Variants in TET3 observed in about 807,000 individuals in gnomAD.
The protein encoded by TET3 is methylcytosine dioxygenase TET3.
A neutral mutation model predicts 141.4 loss-of-function variants in TET3; 19 were observed. The ratio of observed to expected loss-of-function variants is 0.13; its 90% CI spans 0.09 to 0.20. TET3 has a LOEUF of 0.20. Ranked by LOEUF, TET3 falls within the 10% of genes least tolerant of loss-of-function variation. The pLI, the probability that TET3 is intolerant of heterozygous loss-of-function variation, is 1.00. For missense variants in TET3, 1,874 were observed against 2,356.9 expected, an observed-to-expected ratio of 0.80 and a Z score of 4.24; for synonymous variants, 1,043 against 980.9, an observed-to-expected ratio of 1.06 and a Z score of -1.18.
At position 74,093,834 on chromosome 2, in the gene TET3, GA is replaced by G. The variant is rs761358726; in HGVS notation, c.3267+172del. On this transcript the variant is annotated intron_variant, in intron 10 of 11. Coordinates refer to ENST00000409262, the MANE Select transcript of TET3 (RefSeq NM_001287491.2). This position sits in a 1 kb window ranked among gnomAD's most constrained non-coding sequence, Gnocchi z 4.2. ...GGCCTGCCTTCGCCCACCTCCCAGA[GA>G]AAACCTCACCAGAAAACCCTTGAAC... 4.6e-5 allele frequency among the ~76,000 whole-genome samples: 7 copies of G among 152,170 alleles called. No homozygotes were observed. Among genetic ancestry groups the G allele is most frequent in the Non-Finnish European group, 1.0e-4 (7 of 68,020 alleles).
intron 10 of TET3, among the ~76,000 whole-genome samples, chr2:74,098,228 G>A (rs557583672): frequency 6.6e-6 from 1 of 151,934 alleles, no homozygotes; most frequent in African/African-American, 2.4e-5. Flanking sequence ...TAGCTAAAAG[G>A]GTATTTCAAA....
At chr2:74,059,577 C>T (rs937693553) in intron 4 of TET3, among the ~76,000 whole-genome samples, 1 of 152,112 alleles carries the variant, frequency 6.6e-6, no homozygotes, top group Admixed American at 6.5e-5. Context: ...TTTAGAGAGA[C>T]AGGATATCAC....
chr2:74,082,274 G>A (rs13014576), intron 6 of TET3, among the ~76,000 whole-genome samples: 45,506 of 152,042 alleles, frequency 0.3, 7,313 homozygotes, highest in African/African-American at 0.38. Context: ...CCCCACTGAG[G>A]GCTGGGAAGA....
At chr2:74,082,060 T>G (rs931016679) in intron 6 of TET3, among the ~76,000 whole-genome samples, 4 of 151,568 alleles carry the variant, frequency 2.6e-5, no homozygotes, top group African/African-American at 7.3e-5. Context: ...TTTCTCCTGC[T>G]AATTCATGCA....
At chr2:74,080,701 G>GGGGGC (rs1553432192) in intron 6 of TET3, 110 bp downstream of exon 6, 1 of 391,366 alleles carries the variant, frequency 2.6e-6, no homozygotes, top group African/African-American at 2.2e-5. Flanking sequence ...GGCGAGGGCG[G>GGGGGC]GGGGTGGGGC....
At chr2:74,114,853 C>CAAAAAAAAAATAAAAA in the TET3 span, among the ~76,000 whole-genome samples, 1 of 43,882 alleles carries the variant, frequency 2.3e-5, no homozygotes, top group Non-Finnish European at 3.8e-5. Context: ...GACTCTGTCT[C>CAAAAAAAAAATAAAAA]AAAAAAAAAA....
Position 74,102,380 on chromosome 2 carries a change from A to G in TET3, c.*204A>G. Reference sequence around the variant, plus strand: ...CCTCCCTTACCCCCACTTCCCCAGCACTTTGAAGAAGAAACTACGGCTGTC... The same window carrying G: ...CCTCCCTTACCCCCACTTCCCCAGCGCTTTGAAGAAGAAACTACGGCTGTC... On this transcript the variant is annotated 3_prime_UTR_variant, in exon 12 of 12. Coordinates refer to ENST00000409262, the MANE Select transcript of TET3 (RefSeq NM_001287491.2). 1 of 709,858 alleles carries G rather than the reference A, an allele frequency of 1.4e-6. No individual in the cohort carries two copies. The highest frequency in any genetic ancestry group is 1.9e-6 in the Non-Finnish European group (1 of 517,708). 44.0% of individuals were successfully genotyped at this position (709,858 alleles called of 1,614,324 possible).
intron 2 of TET3, among the ~76,000 whole-genome samples, chr2:73,995,240 G>A (rs1033802433): frequency 2.2e-4 from 34 of 152,210 alleles, no homozygotes; most frequent in Non-Finnish European, 1.9e-4. Context: ...GATTATAGGC[G>A]TGAGCCACTG....
rs1684023685 is a variant in TET3 at position 73,986,311 on chromosome 2, C to A, written c.-93C>A. On this transcript the variant is annotated 5_prime_UTR_variant, in exon 2 of 12. Coordinates refer to ENST00000409262, the MANE Select transcript of TET3 (RefSeq NM_001287491.2). ...TCACCCTTGTAGACTCTTGACTGTT[C>A]TAGGCGAGAAGGACCTGTTGGTGGC... 1 of 1,143,638 alleles carries A rather than the reference C, an allele frequency of 8.7e-7. No individual in the cohort carries two copies. The highest frequency in any genetic ancestry group is 1.1e-6 in the Non-Finnish European group (1 of 908,032). The allele number at this position is 1,143,638 out of a possible 1,614,324, so 70.8% of individuals were successfully genotyped here.
At chr2:74,130,119 T>G in the TET3 span, among the ~76,000 whole-genome samples, 14 of 150,278 alleles carry the variant, frequency 9.3e-5, 1 homozygote, top group South Asian at 3.0e-3. Context: ...AAAAGTTGGC[T>G]TTAGTATAGA....
chr2:74,013,970 C>T (rs1685600851), intron 3 of TET3, among the ~76,000 whole-genome samples: 1 of 152,160 alleles, frequency 6.6e-6, no homozygotes, highest in Admixed American at 6.5e-5. Context: ...AATATGTCTA[C>T]AGCTACTGCT....
chr2:74,038,668 C>A (rs1037837826), intron 3 of TET3, among the ~76,000 whole-genome samples: 5 of 152,162 alleles, frequency 3.3e-5, no homozygotes, highest in African/African-American at 9.7e-5. Context: ...GGTGATGAGG[C>A]TTGCACCAGC....
intron 3 of TET3, among the ~76,000 whole-genome samples, chr2:74,040,241 G>A (rs994998809): frequency 6.6e-6 from 1 of 151,984 alleles, no homozygotes; most frequent in Non-Finnish European, 1.5e-5. Context: ...TGGTGTGTGT[G>A]CATGCACACA....
chr2:74,054,256 G>C (rs747547870), intron 4 of TET3, among the ~76,000 whole-genome samples: 2 of 152,090 alleles, frequency 1.3e-5, no homozygotes, highest in African/African-American at 2.4e-5. Context: ...AAGAAATAAT[G>C]GGCCTCTGAA....
In TET3 at chr2:73,997,500, G is replaced by T. The variant is rs115625060; in HGVS notation, c.304-5610G>T. Among the ~76,000 whole-genome samples, 263 of 152,290 alleles carry T rather than the reference G, an allele frequency of 1.7e-3. 1 individual carries two copies. Among genetic ancestry groups the T allele is most frequent in the African/African-American group, 6.2e-3 (258 of 41,554 alleles). ...ATGCTGCAGGATGGGGTGAGGTGCA[G>T]TGAGGGGAGAGGGGGTTGTGAGGGC... is the stretch of plus-strand genomic sequence containing the variant. On this transcript the variant is annotated intron_variant, in intron 2 of 11. Coordinates refer to ENST00000409262, the MANE Select transcript of TET3 (RefSeq NM_001287491.2).
rs1691314560 is a variant in TET3, at chr2:74,102,980, T to C, written c.*804T>C. 1 of 152,210 alleles carries C rather than the reference T, an allele frequency of 6.6e-6. No homozygotes were observed. Among genetic ancestry groups the C allele is most frequent in the Admixed American group, 6.5e-5 (1 of 15,276 alleles). The allele number at this position is 152,210 out of a possible 1,614,324, so 9.4% of individuals were successfully genotyped here. ...GGTTGGAAGTAGATGGCTTCAAGCT[T>C]GCTAGTCTCCACACTGAATCCTCTG... On this transcript the variant is annotated 3_prime_UTR_variant, in exon 12 of 12. Transcript: ENST00000409262.
In TET3 at chr2:74,087,016, T is replaced by G. The variant is rs905966400; in HGVS notation, c.2680-814T>G. Among the ~76,000 whole-genome samples, 2 of 152,124 alleles carry G rather than the reference T, an allele frequency of 1.3e-5. No individual in the cohort carries two copies. The highest frequency in any genetic ancestry group is 2.4e-5 in the African/African-American group (1 of 41,426). Reference sequence around the variant, plus strand: ...GGCCCTCGTAAGCTCTAATCTACTTTCTGTCTCTCTGAATGGAACTGTTCT... The same window carrying G: ...GGCCCTCGTAAGCTCTAATCTACTTGCTGTCTCTCTGAATGGAACTGTTCT... On this transcript the variant is annotated intron_variant, in intron 6 of 11. Transcript: ENST00000409262. This position sits in a 1 kb window ranked among gnomAD's most constrained non-coding sequence, Gnocchi z 4.3.
Position 74,006,545 on chromosome 2 carries a change from T to C in TET3, c.360+3379T>C, listed in dbSNP as rs896158318. On this transcript the variant is annotated intron_variant, in intron 3 of 11. Coordinates refer to ENST00000409262, the MANE Select transcript of TET3 (RefSeq NM_001287491.2). ...GTGGGGACGACTACAGCCCTTTTGC[T>C]GGGCCTGGTGAGGAGGGGCCTGGGC... Among the ~76,000 whole-genome samples, 7 of 152,332 alleles carry C rather than the reference T, an allele frequency of 4.6e-5. 1 individual carries two copies. The South Asian group carries it at 1.4e-3, about 32-fold the overall frequency.
chr2:74,074,880 TTG>T (rs1491416536), intron 5 of TET3, among the ~76,000 whole-genome samples: 1 of 131,110 alleles, frequency 7.6e-6, no homozygotes. Context: ...TTTGTTTTGT[TTG>T]TTTTTTTTTG....
Sources: gnomAD v4.1 joint callset for allele counts (sites outside exome capture counted in the v4.1 genomes callset) on GRCh38, gnomAD v4.1.1 for gene constraint, Gnocchi (gnomAD v3.1) non-coding constraint, MANE v1.5 for transcripts, NCBI Gene and HGNC (gene_info 2026-07-23, HGNC 2026-07-21) for gene names.